The following CNTN4 variants were observed in gnomAD, a reference collection of about 807,000 sequenced individuals.
CNTN4 encodes contactin-4.
CNTN4 carries 77 observed loss-of-function variants against 122.5 expected under a neutral mutation model. The ratio of observed to expected loss-of-function variants is 0.63; its 90% confidence interval spans 0.52 to 0.76. The LOEUF (loss-of-function observed/expected upper bound fraction) is 0.76. CNTN4 is among the 30% of genes least tolerant of loss of function. The probability of loss-of-function intolerance (pLI) is 0.00; values close to 1 mark genes in which losing one functional copy is unlikely to be tolerated. For synonymous variants in CNTN4, 512 were observed against 447.0 expected (o/e 1.15, Z -1.83); for missense variants, 1,256 against 1,259.1 (o/e 1.00, Z 0.04).
At chr3:2,613,305 A>C (rs994693297) in intron 4 of CNTN4, among the ~76,000 whole-genome samples, 1 of 152,142 alleles carries the variant, frequency 6.6e-6, no homozygotes, top group Non-Finnish European at 1.5e-5. Flanking sequence ...GACATCACAT[A>C]GCCAAACCAA....
intron 6 of CNTN4, among the ~76,000 whole-genome samples, chr3:2,814,347 A>T (rs1048555892): frequency 5.9e-5 from 9 of 152,242 alleles, no homozygotes; most frequent in African/African-American, 2.2e-4. Context: ...TTTGGTGACC[A>T]ATTGCTAAAC....
intron 3 of CNTN4, among the ~76,000 whole-genome samples, chr3:2,532,261 G>GT (rs1559646386): frequency 6.6e-6 from 1 of 151,796 alleles, no homozygotes; most frequent in Non-Finnish European, 1.5e-5. Context: ...TTTGTTTTTT[G>GT]TTTTTTTGAG....
Position 3,057,506 on chromosome 3 carries a change from C to A in CNTN4, c.*1286C>A, listed in dbSNP as rs150875084. On this transcript the variant is annotated 3_prime_UTR_variant, in exon 25 of 25. Coordinates refer to ENST00000418658, the MANE Select transcript of CNTN4 (RefSeq NM_175607.3). ...CAATGAGAAAGGTTTTGTGAGTAAA[C>A]CCTACTGGACAGTGACATAAAAGGC... The A allele has an allele frequency of 6.6e-6, 1 of 152,564 alleles. No individual in the cohort carries two copies. Among genetic ancestry groups the A allele is most frequent in the African/African-American group, 2.4e-5 (1 of 41,434 alleles). The allele number at this position is 152,564 out of a possible 1,614,324, so 9.5% of individuals were successfully genotyped here. A position where few individuals can be genotyped will look rare whatever the true frequency, so the allele number is the denominator to read the frequency against.
chr3:2,695,165 AAG>A (rs1205777053), intron 4 of CNTN4, among the ~76,000 whole-genome samples: 3 of 152,176 alleles, frequency 2.0e-5, no homozygotes, highest in Non-Finnish European at 4.4e-5. Flanking sequence ...ACCCCAGAGA[AAG>A]AGTTGGACTT....
chr3:2,530,280 T>C (rs1575868532), intron 3 of CNTN4, among the ~76,000 whole-genome samples: 1 of 151,716 alleles, frequency 6.6e-6, no homozygotes, highest in South Asian at 2.1e-4. Flanking sequence ...TTCACTAATA[T>C]ACTCTATTTT....
intron 2 of CNTN4, among the ~76,000 whole-genome samples, chr3:2,169,554 C>T (rs540252202): frequency 1.2e-4 from 18 of 150,592 alleles, no homozygotes; most frequent in Non-Finnish European, 2.1e-4. Context: ...CTACAGGCGC[C>T]GCCACCACGC....
chr3:2,761,519 T>A (rs111877279), intron 6 of CNTN4, among the ~76,000 whole-genome samples: 124 of 152,154 alleles, frequency 8.1e-4, no homozygotes, highest in African/African-American at 2.9e-3. Context: ...TACATTAACA[T>A]GTGAATGCTC....
chr3:2,443,097 T>C (rs1378396862), intron 3 of CNTN4, among the ~76,000 whole-genome samples: 1 of 151,760 alleles, frequency 6.6e-6, no homozygotes, highest in African/African-American at 2.4e-5. Context: ...ATGACGTGTG[T>C]TTACCTGTGT....
At chr3:2,706,122 A>T (rs1252056771) in intron 4 of CNTN4, among the ~76,000 whole-genome samples, 1 of 150,676 alleles carries the variant, frequency 6.6e-6, no homozygotes, top group South Asian at 2.1e-4. Flanking sequence ...ACATCTATTA[A>T]TCTAGCAGAA....
At chr3:2,106,507 A>G (rs193200436) in intron 2 of CNTN4, among the ~76,000 whole-genome samples, 305 of 152,330 alleles carry the variant, frequency 2.0e-3, no homozygotes, top group African/African-American at 6.5e-3. Context: ...CTTGGGGCTT[A>G]CACCTTCCGA....
intron 2 of CNTN4, among the ~76,000 whole-genome samples, chr3:2,301,785 G>T (rs927050111): frequency 2.0e-5 from 3 of 152,212 alleles, no homozygotes; most frequent in African/African-American, 7.2e-5. Context: ...GGACAGAGAA[G>T]TCTCCATAAG....
At chr3:2,762,171 G>A (rs928527215) in intron 6 of CNTN4, among the ~76,000 whole-genome samples, 2 of 152,116 alleles carry the variant, frequency 1.3e-5, no homozygotes, top group African/African-American at 4.8e-5. Flanking sequence ...TAGAAAAGCG[G>A]GAATGAAGAG....
intron 2 of CNTN4, among the ~76,000 whole-genome samples, chr3:2,320,737 T>G (rs2043249775): frequency 1.3e-5 from 2 of 152,178 alleles, no homozygotes. Context: ...TGCTGATGAC[T>G]TCTGAAATTA....
rs529479721 is a variant in CNTN4, at chr3:2,709,826, G to A, written c.56-26389G>A. ...CTACTTGGGAGGCTGAGCCAGGAGA[G>A]CCCGGGAGTCCAGCAGTGAGCTGAG... On this transcript the variant is annotated intron_variant, in intron 4 of 24. Coordinates refer to ENST00000418658, the MANE Select transcript of CNTN4 (RefSeq NM_175607.3). The surrounding 1 kb of genome is among the most constrained non-coding windows in gnomAD (Gnocchi z 5.0). 6.6e-6 allele frequency among the ~76,000 whole-genome samples: 1 copy of A among 151,942 alleles called. No homozygotes were observed. The highest frequency in any genetic ancestry group is 2.4e-5 in the African/African-American group (1 of 41,390).
At chr3:2,546,725 A>G (rs1285160763) in intron 3 of CNTN4, among the ~76,000 whole-genome samples, 1 of 152,158 alleles carries the variant, frequency 6.6e-6, no homozygotes, top group South Asian at 2.1e-4. Context: ...TTAAGTACAG[A>G]TATTGATTAA....
At chr3:2,529,558 T>C (rs1017814485) in intron 3 of CNTN4, among the ~76,000 whole-genome samples, 2 of 152,216 alleles carry the variant, frequency 1.3e-5, no homozygotes, top group African/African-American at 2.4e-5. Context: ...GTAATACATG[T>C]ATTACTTACT....
chr3:2,366,153 C>A (rs1458539356), intron 3 of CNTN4, among the ~76,000 whole-genome samples: 1 of 152,142 alleles, frequency 6.6e-6, no homozygotes, highest in Non-Finnish European at 1.5e-5. Context: ...TCTCTACTGG[C>A]AGCCTATCAA....
At chr3:3,009,468 C>G (rs1163470992) in intron 14 of CNTN4, among the ~76,000 whole-genome samples, 2 of 151,520 alleles carry the variant, frequency 1.3e-5, no homozygotes, top group Non-Finnish European at 2.9e-5. Flanking sequence ...GAGTCTTGCT[C>G]TGTCGCCCAG....
chr3:2,387,403 T>C (rs1006214514), intron 3 of CNTN4, among the ~76,000 whole-genome samples: 7 of 152,134 alleles, frequency 4.6e-5, no homozygotes, highest in Non-Finnish European at 8.8e-5. Context: ...TGTACAGCAC[T>C]TGCTACTACT....
Sources: gnomAD v4.1 joint callset for allele counts (sites outside exome capture counted in the v4.1 genomes callset) on GRCh38, gnomAD v4.1.1 for gene constraint, Gnocchi (gnomAD v3.1) non-coding constraint, MANE v1.5 for transcripts, NCBI Gene and HGNC (gene_info 2026-07-23, HGNC 2026-07-21) for gene names.